The following ABI3BP variants were observed in gnomAD, a reference collection of about 807,000 sequenced individuals.
ABI3BP encodes ABI family member 3 binding protein, also known as target of Nesh-SH3.
A neutral mutation model predicts 268.6 loss-of-function variants in ABI3BP; 216 were observed. The observed-to-expected ratio is 0.80, with a 90% CI of 0.72 to 0.90. The LOEUF (loss-of-function observed/expected upper bound fraction) is 0.90. ABI3BP is among the 40% of genes least tolerant of loss of function. The probability of loss-of-function intolerance (pLI) is 0.00; values close to 1 mark genes in which losing one functional copy is unlikely to be tolerated. For synonymous variants in ABI3BP, 730 were observed against 730.0 expected (o/e 1.00, Z 0.00); for missense variants, 2,090 against 2,182.4 (o/e 0.96, Z 0.84).
chr3:100,807,090 T>C (rs1356570934), intron 50 of ABI3BP, among the ~76,000 whole-genome samples: 1 of 151,978 alleles, frequency 6.6e-6, no homozygotes, highest in Non-Finnish European at 1.5e-5. Context: ...CATGGTTTCT[T>C]CTCCCCATTT....
At chr3:100,945,551 T>C (rs1305210478) in intron 1 of ABI3BP, 1 of 404,742 alleles carries the variant, frequency 2.5e-6, no homozygotes, top group South Asian at 1.9e-5. Context: ...CTTTCTGCTT[T>C]TCTGGTAATT....
chr3:100,919,922 G>A (rs78473819), intron 2 of ABI3BP, among the ~76,000 whole-genome samples: 2,660 of 152,286 alleles, frequency 0.017, 38 homozygotes, highest in Non-Finnish European at 0.026. Flanking sequence ...CCAAAGGCAC[G>A]AAACAGTCAG....
chr3:100,901,398 G>T (rs1048213104), intron 3 of ABI3BP, among the ~76,000 whole-genome samples: 2 of 151,998 alleles, frequency 1.3e-5, no homozygotes, highest in African/African-American at 4.8e-5. Context: ...TCCTTTTATC[G>T]TGTGGTATCC....
At chr3:100,929,483 T>C (rs2062933280) in intron 1 of ABI3BP, among the ~76,000 whole-genome samples, 1 of 152,084 alleles carries the variant, frequency 6.6e-6, no homozygotes, top group Non-Finnish European at 1.5e-5. Flanking sequence ...CTACTTTTTC[T>C]AAAATTCCAG....
At chr3:100,838,092 G>T (rs2098632552) in intron 26 of ABI3BP, 118 bp downstream of exon 26, 2 of 1,189,190 alleles carry the variant, frequency 1.7e-6, no homozygotes, top group Non-Finnish European at 2.4e-6. Context: ...AGAAGATAAT[G>T]AACAAAATTA....
chr3:100,860,020 C>T (rs2098980789), intron 14 of ABI3BP, among the ~76,000 whole-genome samples: 1 of 152,094 alleles, frequency 6.6e-6, no homozygotes, highest in African/African-American at 2.4e-5. Flanking sequence ...TGCAGTGAGC[C>T]GAGATCGCAC....
In ABI3BP at chr3:100,749,828, A is replaced by G. The variant is rs2095225527; in HGVS notation, c.*667T>C. The G allele has an allele frequency of 5.0e-6, 2 of 397,258 alleles. No homozygotes were observed. The highest frequency in any genetic ancestry group is 8.9e-6 in the Non-Finnish European group (2 of 225,318). 24.6% of individuals were successfully genotyped at this position (397,258 alleles called of 1,614,324 possible). The stretch of plus-strand genomic sequence containing the variant: ...AAAAATGTATCTTTTGAAACAATAT[A>G]TTAGACTCCATTTTTAGCTGAAATG... On this transcript the variant is annotated 3_prime_UTR_variant, in exon 68 of 68. Coordinates refer to ENST00000471714, the MANE Select transcript of ABI3BP (RefSeq NM_001375547.2).
At chr3:100,945,410 A>T (rs534760939) in intron 1 of ABI3BP, among the ~76,000 whole-genome samples, 1 of 152,118 alleles carries the variant, frequency 6.6e-6, no homozygotes, top group Non-Finnish European at 1.5e-5. Context: ...GAAGTTGCTA[A>T]ATTTATGTAA....
chr3:100,762,131 TGTG>T (rs1302702935), intron 63 of ABI3BP, among the ~76,000 whole-genome samples: 1 of 152,174 alleles, frequency 6.6e-6, no homozygotes, highest in African/African-American at 2.4e-5. Flanking sequence ...ACAAGAGCCA[TGTG>T]GTGGCTGCAT....
At chr3:100,957,090 A>C (rs1418737831) in intron 1 of ABI3BP, among the ~76,000 whole-genome samples, 1 of 152,246 alleles carries the variant, frequency 6.6e-6, no homozygotes, top group African/African-American at 2.4e-5. Context: ...TCTTGAGACT[A>C]TTCTAAGAGC....
At chr3:100,836,606 A>AT (rs1487365464) in intron 27 of ABI3BP, among the ~76,000 whole-genome samples, 1 of 152,212 alleles carries the variant, frequency 6.6e-6, no homozygotes, top group African/African-American at 2.4e-5. Context: ...CAAAACAGAG[A>AT]ATCCTTATTT....
chr3:100,794,551 A>G (rs1185838417), intron 54 of ABI3BP, among the ~76,000 whole-genome samples: 2 of 151,918 alleles, frequency 1.3e-5, no homozygotes, highest in South Asian at 2.1e-4. Flanking sequence ...TAAAGGCTTA[A>G]TAAATACTAG....
chr3:100,950,870 A>G (rs1440022454), intron 1 of ABI3BP, among the ~76,000 whole-genome samples: 1 of 151,822 alleles, frequency 6.6e-6, no homozygotes, highest in Non-Finnish European at 1.5e-5. Flanking sequence ...CATTCACAGT[A>G]ATGGGACAAC....
intron 62 of ABI3BP, among the ~76,000 whole-genome samples, chr3:100,769,172 AC>A (rs1373360832): frequency 1.3e-5 from 2 of 152,238 alleles, no homozygotes; most frequent in Non-Finnish European, 2.9e-5. Flanking sequence ...TGAAAAACCA[AC>A]AGGATTTTAG....
rs749434787 is a variant in ABI3BP, at chr3:100,780,232, GGAA to G, written c.4163-26_4163-24del. 62 of 1,605,344 alleles carry G rather than the reference GGAA, an allele frequency of 3.9e-5. 1 individual carries two copies. In the Admixed American group the frequency reaches 6.3e-4, roughly 16 times the overall value. Reference sequence around the variant, plus strand: ...CCCCTATGAGCAGAGATAATGAAAGGGAATAAACATATAGCAAAAATGTTCCAT... The same window carrying G: ...CCCCTATGAGCAGAGATAATGAAAGGTAAACATATAGCAAAAATGTTCCAT... On this transcript the variant is annotated intron_variant, in intron 57 of 67. Transcript: ENST00000471714.
chr3:100,855,143 G>C (rs1284860209), intron 14 of ABI3BP, among the ~76,000 whole-genome samples: 1 of 152,128 alleles, frequency 6.6e-6, no homozygotes, highest in Non-Finnish European at 1.5e-5. Context: ...GGCCAGGCTG[G>C]CTTCAAACTC....
intron 22 of ABI3BP, among the ~76,000 whole-genome samples, chr3:100,840,459 A>G (rs936863252): frequency 6.6e-6 from 1 of 152,212 alleles, no homozygotes; most frequent in Non-Finnish European, 1.5e-5. Flanking sequence ...TTGAAGGCAT[A>G]TGTTCAACAG....
intron 61 of ABI3BP, among the ~76,000 whole-genome samples, chr3:100,772,002 A>G (rs2096559760): frequency 6.6e-6 from 1 of 152,194 alleles, no homozygotes; most frequent in South Asian, 2.1e-4. Context: ...TCCTTAAAGG[A>G]GGCAGACCAA....
chr3:100,887,527 T>C (rs1238227294), intron 4 of ABI3BP, among the ~76,000 whole-genome samples: 1 of 152,032 alleles, frequency 6.6e-6, no homozygotes. Flanking sequence ...TAGGTAAACT[T>C]CATCTGCTTT....
Sources: allele counts gnomAD v4.1 joint callset (sites outside exome capture counted in the v4.1 genomes callset), GRCh38; gene constraint gnomAD v4.1.1; transcripts MANE v1.5; gene names NCBI Gene and HGNC (gene_info 2026-07-23, HGNC 2026-07-21).